Variants in PPP1R8 observed in about 807,000 individuals in gnomAD.
The protein encoded by PPP1R8 is protein phosphatase 1 regulatory subunit 8.
A neutral mutation model predicts 31.3 loss-of-function variants in PPP1R8; 4 were observed. The observed-to-expected ratio is 0.13, with a 90% CI of 0.06 to 0.29. PPP1R8 has a LOEUF of 0.29. PPP1R8 is among the 10% of genes least tolerant of loss of function. The probability of loss-of-function intolerance (pLI) is 1.00; values close to 1 mark genes in which losing one functional copy is unlikely to be tolerated. For synonymous variants in PPP1R8, 170 were observed against 169.7 expected (o/e 1.00, Z -0.01); for missense variants, 254 against 440.1 (o/e 0.58, Z 3.78).
intron 3 of PPP1R8, among the ~76,000 whole-genome samples, chr1:27,839,455 G>C (rs2089202056): frequency 6.6e-6 from 1 of 152,116 alleles, no homozygotes; most frequent in Non-Finnish European, 1.5e-5. Context: ...TTGAACCCAG[G>C]AGTGGAAGGA....
intron 2 of PPP1R8, 104 bp from the exon 3 acceptor site, chr1:27,838,595 A>G (rs2089193622): frequency 1.4e-6 from 1 of 701,150 alleles, no homozygotes; most frequent in South Asian, 4.3e-5. Context: ...TACTCAATCT[A>G]ATGGAAAGGA....
Position 27,830,845 on chromosome 1 carries a change from G to T in PPP1R8, c.10G>T (p.Ala4Ser). ...GAGGGGGAGACGCAAGATGGCGGCA[G>T]CCGCGAACTCCGGCTCTAGCCTCCC... is the stretch of plus-strand genomic sequence containing the variant. MAAAANSGSSLPLF... is the reference protein window; with the variant it reads MAASANSGSSLPLF... Residue 4 changes from alanine (A) to serine (S), a missense_variant, in exon 1 of 7, where the codon GCC (alanine) becomes TCC (serine). Transcript: ENST00000311772. The T allele has an allele frequency of 6.3e-7, 1 of 1,576,808 alleles. No homozygotes were observed. Among genetic ancestry groups the T allele is most frequent in the African/African-American group, 1.3e-5 (1 of 74,198 alleles).
intron 5 of PPP1R8, 48 bp downstream of exon 5, chr1:27,843,378 C>G (rs148565168): frequency 6.2e-7 from 1 of 1,608,716 alleles, no homozygotes; most frequent in African/African-American, 1.4e-5. Flanking sequence ...GTGGTTGGCC[C>G]GGGCGCGGTG....
At position 27,834,542 on chromosome 1, in the gene PPP1R8, T is replaced by C. The variant is rs773257186; in HGVS notation, c.117+1726T>C. 1.3e-5 allele frequency: 7 copies of C among 518,702 alleles called. No individual in the cohort carries two copies. The Admixed American group carries it at 1.4e-4, about 10-fold the overall frequency. The allele number at this position is 518,702 out of a possible 1,614,324, so 32.1% of individuals were successfully genotyped here. A position where few individuals can be genotyped will look rare whatever the true frequency, so the allele number is the denominator to read the frequency against. On this transcript the variant is annotated intron_variant, in intron 2 of 6. Transcript: ENST00000311772. ...AAGCCCAGTGTGTAAAGATACACTCTGAGTTATAACTCAGAGGCACAACTG... is the reference window on the plus strand; with the variant it reads ...AAGCCCAGTGTGTAAAGATACACTCCGAGTTATAACTCAGAGGCACAACTG...
At chr1:27,846,741 T>C (rs569038991) in intron 5 of PPP1R8, among the ~76,000 whole-genome samples, 32 of 152,348 alleles carry the variant, frequency 2.1e-4, no homozygotes, top group African/African-American at 7.0e-4. Context: ...TTTGAACTAC[T>C]TGGACTCAAG....
intron 4 of PPP1R8, 42 bp downstream of exon 4, chr1:27,841,276 T>G (rs1369747386): frequency 3.7e-6 from 6 of 1,603,334 alleles, no homozygotes; most frequent in Non-Finnish European, 5.1e-6. Flanking sequence ...TTGGGGACCC[T>G]GGTTTTTGGA....
At chr1:27,832,953 A>G in intron 2 of PPP1R8, 137 bp downstream of exon 2, 1 of 710,880 alleles carries the variant, frequency 1.4e-6, no homozygotes, top group South Asian at 2.1e-5. Flanking sequence ...TTTTCTGTTA[A>G]AAGCACATGG....
intron 3 of PPP1R8, 65 bp from the exon 4 acceptor site, chr1:27,840,949 T>C (rs1005174056): frequency 4.6e-6 from 7 of 1,536,468 alleles, no homozygotes; most frequent in Non-Finnish European, 6.3e-6. Context: ...GCGATCATAC[T>C]CTTCCTTCTA....
intron 2 of PPP1R8, among the ~76,000 whole-genome samples, chr1:27,836,335 C>G (rs769210748): frequency 1.1e-4 from 17 of 152,154 alleles, no homozygotes; most frequent in Admixed American, 2.0e-4. Context: ...AGTTTATAAC[C>G]GATCTGTGGC....
intron 1 of PPP1R8, among the ~76,000 whole-genome samples, chr1:27,831,579 C>G (rs1163785495): frequency 3.3e-5 from 5 of 152,168 alleles, no homozygotes; most frequent in Non-Finnish European, 7.3e-5. Flanking sequence ...TCTGCTGTAG[C>G]TCATCGCAGT....
intron 1 of PPP1R8, 139 bp from the exon 2 acceptor site, chr1:27,832,615 CAG>C (rs2089121718): frequency 1.6e-6 from 1 of 617,228 alleles, no homozygotes; most frequent in Non-Finnish European, 2.8e-6. Flanking sequence ...GCTGTAATAA[CAG>C]TGAAGTGGAT....
At chr1:27,846,872 G>A (rs1298817836) in intron 5 of PPP1R8, among the ~76,000 whole-genome samples, 156 bp from the exon 6 acceptor site, 1 of 152,202 alleles carries the variant, frequency 6.6e-6, no homozygotes, top group Non-Finnish European at 1.5e-5. Context: ...CAGGGTCTTT[G>A]TGAGGATTTA....
rs535287405 is a variant in PPP1R8, at chr1:27,836,572, G to A, written c.118-2127G>A. 7.2e-5 allele frequency among the ~76,000 whole-genome samples: 11 copies of A among 151,998 alleles called. No individual in the cohort carries two copies. In the South Asian group the frequency reaches 8.3e-4, roughly 11 times the overall value. On this transcript the variant is annotated intron_variant, in intron 2 of 6. Coordinates refer to ENST00000311772, the MANE Select transcript of PPP1R8 (RefSeq NM_014110.5). ...TGGGACTACAGGCACCTGCCACCAC[G>A]CCCGGCTAATTTTTTTTTTGTATTT...
intron 4 of PPP1R8, 79 bp from the exon 5 acceptor site, chr1:27,843,107 C>G (rs7524774): frequency 6.4e-7 from 1 of 1,558,286 alleles, no homozygotes; most frequent in Non-Finnish European, 8.8e-7. Context: ...ATGCCTTCCT[C>G]ACCTTTATTT....
chr1:27,837,940 G>A (rs949276646), intron 2 of PPP1R8, among the ~76,000 whole-genome samples: 1 of 152,014 alleles, frequency 6.6e-6, no homozygotes, highest in Non-Finnish European at 1.5e-5. Context: ...GGCCAGGCTC[G>A]GTGGCTCACG....
At chr1:27,839,080 TA>T (rs1305502952) in intron 3 of PPP1R8, among the ~76,000 whole-genome samples, 1 of 152,076 alleles carries the variant, frequency 6.6e-6, no homozygotes, top group African/African-American at 2.4e-5. Flanking sequence ...TAAGCAAACA[TA>T]AGCTGGATGT....
intron 2 of PPP1R8, among the ~76,000 whole-genome samples, chr1:27,834,789 G>C (rs182102546): frequency 3.3e-5 from 5 of 152,172 alleles, no homozygotes; most frequent in Admixed American, 2.6e-4. Context: ...AGGCCGAGGC[G>C]GGCAGATCAC....
chr1:27,845,259 G>A (rs1226215755), intron 5 of PPP1R8, among the ~76,000 whole-genome samples: 8 of 150,944 alleles, frequency 5.3e-5, no homozygotes, highest in South Asian at 2.1e-4. Context: ...GTGTGGTGGC[G>A]GGCGCCTGTA....
Position 27,850,600 on chromosome 1 carries a change from G to T in PPP1R8, c.*154G>T, listed in dbSNP as rs984999132. Reference sequence around the variant, plus strand: ...TAACCATGTAATATGACAATTGGGGGTGGGGTTGAAATAGCCCATAAAGAC... The same window carrying T: ...TAACCATGTAATATGACAATTGGGGTTGGGGTTGAAATAGCCCATAAAGAC... On this transcript the variant is annotated 3_prime_UTR_variant, in exon 7 of 7. Coordinates refer to ENST00000311772, the MANE Select transcript of PPP1R8 (RefSeq NM_014110.5). 2.8e-6 allele frequency: 2 copies of T among 708,704 alleles called. No homozygotes were observed. Among genetic ancestry groups the T allele is most frequent in the Admixed American group, 3.0e-5 (1 of 33,864 alleles). 43.9% of individuals were successfully genotyped at this position (708,704 alleles called of 1,614,324 possible). A position where few individuals can be genotyped will look rare whatever the true frequency, so the allele number is the denominator to read the frequency against.
Sources: allele counts gnomAD v4.1 joint callset (sites outside exome capture counted in the v4.1 genomes callset), GRCh38; gene constraint gnomAD v4.1.1; transcripts MANE v1.5; gene names NCBI Gene and HGNC (gene_info 2026-07-23, HGNC 2026-07-21).